FHIP1A: variants seen among roughly 807,000 people sequenced by gnomAD.
The protein encoded by FHIP1A is FHF complex subunit HOOK interacting protein 1A.
Under a neutral mutation model 88.6 loss-of-function variants are expected in FHIP1A, and 61 were observed. That is an observed-to-expected ratio of 0.69 (90% CI 0.56 to 0.85). The LOEUF is 0.85. Ranked by LOEUF, FHIP1A falls within the 40% of genes least tolerant of loss-of-function variation. FHIP1A has a pLI of 0.00. For synonymous variants in FHIP1A, 478 were observed against 496.0 expected (o/e 0.96, Z 0.48); for missense variants, 1,154 against 1,273.5 (o/e 0.91, Z 1.43).
At chr4:151,635,131 T>C (rs1023586261) in intron 8 of FHIP1A, among the ~76,000 whole-genome samples, 9 of 151,698 alleles carry the variant, frequency 5.9e-5, no homozygotes, top group African/African-American at 2.2e-4. Context: ...GACCAAAAAA[T>C]ATATGAAAAG....
intron 2 of FHIP1A, among the ~76,000 whole-genome samples, chr4:151,464,212 G>C (rs1729230746): frequency 6.6e-6 from 1 of 152,214 alleles, no homozygotes; most frequent in South Asian, 2.1e-4. Flanking sequence ...TCTGTAATGT[G>C]TCATTTAGCC....
rs569333136 is a variant in FHIP1A, at chr4:151,656,707, G to T, written c.2731-53G>T. The T allele has an allele frequency of 2.5e-4, 372 of 1,517,284 alleles. 4 individuals carry two copies. In the South Asian group the frequency reaches 4.3e-3, roughly 18 times the overall value. 94.0% of individuals were successfully genotyped at this position (1,517,284 alleles called of 1,614,324 possible). A position where few individuals can be genotyped will look rare whatever the true frequency, so the allele number is the denominator to read the frequency against. On this transcript the variant is annotated intron_variant, in intron 12 of 13. Transcript: ENST00000435205. The surrounding 1 kb of genome is among the most constrained non-coding windows in gnomAD (Gnocchi z 4.2). ...CTACCTGCAAGATATATTGATAACTGGGAGTGGAATTTCATGGTGAGGCAT... is the reference window on the plus strand; with the variant it reads ...CTACCTGCAAGATATATTGATAACTTGGAGTGGAATTTCATGGTGAGGCAT...
rs1230420080 is a variant in FHIP1A at position 151,665,504 on chromosome 4, G to A, written c.*2750G>A. On this transcript the variant is annotated 3_prime_UTR_variant, in exon 14 of 14. Transcript: ENST00000435205. Reference sequence around the variant, plus strand: ...CAGAAAATGGAGCTGGATGTAGAGAGAACAGGAAAACCCATGTGGCTGGGT... The same window carrying A: ...CAGAAAATGGAGCTGGATGTAGAGAAAACAGGAAAACCCATGTGGCTGGGT... Among the ~76,000 whole-genome samples, 1 of 152,224 alleles carries A rather than the reference G, an allele frequency of 6.6e-6. No homozygotes were observed. Among genetic ancestry groups the A allele is most frequent in the Non-Finnish European group, 1.5e-5 (1 of 68,038 alleles).
At chr4:151,632,602 A>G (rs1736197717) in intron 8 of FHIP1A, among the ~76,000 whole-genome samples, 1 of 152,072 alleles carries the variant, frequency 6.6e-6, no homozygotes, top group Non-Finnish European at 1.5e-5. Context: ...ACAAAGTTTA[A>G]CACATTTACA....
chr4:151,578,054 TGGA>T lies in FHIP1A; in HGVS notation c.712_714del (p.Glu238del). The T allele has an allele frequency of 6.4e-7, 1 of 1,550,758 alleles. No individual in the cohort carries two copies. The highest frequency in any genetic ancestry group is 1.2e-5 in the South Asian group (1 of 84,024). On this transcript the variant is annotated inframe_deletion, in exon 5 of 14. Coordinates refer to ENST00000435205, the MANE Select transcript of FHIP1A (RefSeq NM_001109977.3). ...AACACCATGGTGGCCCATCACATCG[TGGA>T]GAACACCTACTTTTGTCCAGTAAGT...
intron 2 of FHIP1A, among the ~76,000 whole-genome samples, chr4:151,457,838 A>G (rs1409790611): frequency 6.6e-6 from 1 of 152,194 alleles, no homozygotes; most frequent in Non-Finnish European, 1.5e-5. Context: ...AATGGTAAGA[A>G]CTATGACAGA....
Position 151,577,743 on chromosome 4 carries a change from G to A in FHIP1A, c.399G>A (p.Leu133=), listed in dbSNP as rs1733851079. The part of the protein sequence containing the change: ...EMLVTQSHQP[L]LHHKPILKPL... ...TGGTCACCCAGTCGCACCAGCCTCTGCTGCACCACAAACCCATTCTGAAGC... is the reference window on the plus strand; with the variant it reads ...TGGTCACCCAGTCGCACCAGCCTCTACTGCACCACAAACCCATTCTGAAGC... Residue 133 remains leucine, a synonymous_variant, in exon 5 of 14, where the codon CTG becomes CTA. Transcript: ENST00000435205. 6.4e-7 allele frequency: 1 copy of A among 1,551,712 alleles called. No homozygotes were observed. The highest frequency in any genetic ancestry group is 2.0e-5 in the Admixed American group (1 of 50,976).
intron 3 of FHIP1A, among the ~76,000 whole-genome samples, chr4:151,506,530 AT>A (rs1386804166): frequency 6.6e-6 from 1 of 152,162 alleles, no homozygotes; most frequent in Non-Finnish European, 1.5e-5. Context: ...ACCTCTACTC[AT>A]TGCGGAAGGT....
At position 151,471,335 on chromosome 4, in the gene FHIP1A, AAAAAAG is replaced by A. The variant is rs889276791; in HGVS notation, c.-247-11183_-247-11178del. ...GTATTTTTTCCAATAAGGAAAAAAA[AAAAAAG>A]AAAAAACCACCAAAACAGCACTCTG... On this transcript the variant is annotated intron_variant, in intron 2 of 13. Transcript: ENST00000435205. Among the ~76,000 whole-genome samples the A allele has an allele frequency of 5.6e-4, 85 of 151,168 alleles. No individual in the cohort carries two copies. The East Asian group carries it at 0.014, about 25-fold the overall frequency.
At chr4:151,562,170 G>T (rs10213361) in intron 3 of FHIP1A, among the ~76,000 whole-genome samples, 5,138 of 152,150 alleles carry the variant, frequency 0.034, 297 homozygotes, top group African/African-American at 0.12. Flanking sequence ...TTCAGGCTTG[G>T]ACTGAGCCAA....
rs547759279 is a variant in FHIP1A, at chr4:151,552,067, A to G, written c.-122-14071A>G. ...AAGACATTTATGCAGCCAAAAAACA[A>G]ATGAAAAAGTGCTCATCATCACTGG... On this transcript the variant is annotated intron_variant, in intron 3 of 13. Transcript: ENST00000435205. Among the ~76,000 whole-genome samples the G allele has an allele frequency of 1.5e-3, 227 of 152,314 alleles. 1 individual carries two copies. Among genetic ancestry groups the G allele is most frequent in the Middle Eastern group, 0.01 (3 of 294 alleles).
At chr4:151,628,762 C>T (rs1161957081) in intron 7 of FHIP1A, among the ~76,000 whole-genome samples, 1 of 152,210 alleles carries the variant, frequency 6.6e-6, no homozygotes, top group East Asian at 1.9e-4. Flanking sequence ...GTGGTTTTCA[C>T]GCATTCAGGT....
At chr4:151,457,185 G>T (rs913815821) in intron 2 of FHIP1A, among the ~76,000 whole-genome samples, 1 of 152,162 alleles carries the variant, frequency 6.6e-6, no homozygotes. Context: ...TGTTAAGAAG[G>T]TATGTGTTTC....
rs1291210337 is a variant in FHIP1A at position 151,662,518 on chromosome 4, T to G, written c.2887T>G (p.Ser963Ala). 1.2e-5 allele frequency: 19 copies of G among 1,540,654 alleles called. No individual in the cohort carries two copies. Among genetic ancestry groups the G allele is most frequent in the Non-Finnish European group, 1.6e-5 (18 of 1,139,836 alleles). ...ALTKDPIQEA[S>A]RTGSGKNLLD... is the part of the protein sequence containing the mutation. ...GCTTTCAGATCCCATTCAGGAGGCTTCCAGGACAGGAAGTGGCAAGAACCT... is the reference window on the plus strand; with the variant it reads ...GCTTTCAGATCCCATTCAGGAGGCTGCCAGGACAGGAAGTGGCAAGAACCT... Residue 963 changes from serine to alanine, a missense_variant, in exon 14 of 14, where the codon TCC becomes GCC. Transcript: ENST00000435205.
At chr4:151,621,284 G>T (rs1409821674) in intron 7 of FHIP1A, among the ~76,000 whole-genome samples, 1 of 152,034 alleles carries the variant, frequency 6.6e-6, no homozygotes, top group Non-Finnish European at 1.5e-5. Flanking sequence ...ATGATGTGCA[G>T]GTCTGGGACA....
At chr4:151,469,271 G>A (rs565187036) in intron 2 of FHIP1A, among the ~76,000 whole-genome samples, 1 of 152,318 alleles carries the variant, frequency 6.6e-6, no homozygotes, top group Admixed American at 6.5e-5. Flanking sequence ...ATTAAGTCAA[G>A]TAAGACTGGT....
intron 3 of FHIP1A, among the ~76,000 whole-genome samples, chr4:151,547,838 T>G (rs1732564116): frequency 6.6e-6 from 1 of 151,564 alleles, no homozygotes. Flanking sequence ...CATTTGAACC[T>G]GGGAGGTAGA....
rs114568572 is a variant in FHIP1A, at chr4:151,520,748, C to T, written c.-123+38100C>T. Among the ~76,000 whole-genome samples the T allele has an allele frequency of 5.3e-3, 809 of 152,228 alleles. 5 individuals are homozygous for T. Among genetic ancestry groups the T allele is most frequent in the Middle Eastern group, 0.014 (4 of 292 alleles). ...CTGTGACCAGCAGCCATGAAGTCCT[C>T]GTCAGCTGGCAGAGGAAAATTCACT... On this transcript the variant is annotated intron_variant, in intron 3 of 13. Transcript: ENST00000435205.
intron 3 of FHIP1A, among the ~76,000 whole-genome samples, chr4:151,496,128 A>G (rs1050443671): frequency 6.6e-6 from 1 of 151,904 alleles, no homozygotes. Context: ...TGGGATTTAC[A>G]TATTGGACAT....
Sources: allele counts gnomAD v4.1 joint callset (sites outside exome capture counted in the v4.1 genomes callset), GRCh38; gene constraint gnomAD v4.1.1; non-coding constraint Gnocchi (gnomAD v3.1); transcripts MANE v1.5; gene names NCBI Gene and HGNC (gene_info 2026-07-23, HGNC 2026-07-21).